RAB11FIP3: variants seen among roughly 807,000 people sequenced by gnomAD.
The protein encoded by RAB11FIP3 is rab11 family-interacting protein 3.
Under a neutral mutation model 77.8 loss-of-function variants are expected in RAB11FIP3, and 17 were observed. The observed-to-expected ratio is 0.22, with a 90% CI of 0.15 to 0.33. The LOEUF (loss-of-function observed/expected upper bound fraction) is 0.33. Ranked by LOEUF, RAB11FIP3 falls within the 10% of genes least tolerant of loss-of-function variation. RAB11FIP3 has a pLI of 1.00. For missense variants in RAB11FIP3, 1,005 were observed against 1,011.2 expected (o/e 0.99, Z 0.08); for synonymous variants, 437 against 448.2 (o/e 0.98, Z 0.31).
At chr16:458,565 G>A (rs796208497) in intron 1 of RAB11FIP3, among the ~76,000 whole-genome samples, 58 of 124,970 alleles carry the variant, frequency 4.6e-4, no homozygotes, top group African/African-American at 1.5e-3. Flanking sequence ...GGCCTTCCTC[G>A]GGTTCACCGA....
At chr16:460,487 T>A (rs577204908) in intron 1 of RAB11FIP3, among the ~76,000 whole-genome samples, 55 of 152,260 alleles carry the variant, frequency 3.6e-4, no homozygotes, top group African/African-American at 1.3e-3. Flanking sequence ...TGAAAATTTT[T>A]AAATTTTTAT....
intron 3 of RAB11FIP3, among the ~76,000 whole-genome samples, chr16:481,450 GC>G (rs1402940664): frequency 6.6e-6 from 1 of 152,174 alleles, no homozygotes; most frequent in African/African-American, 2.4e-5. Context: ...CACGTAGGTT[GC>G]AGTGAGCTGA....
rs757607797 is a variant in RAB11FIP3, at chr16:426,591, C to A, written c.585C>A (p.Ser195Arg). Residue 195 changes from serine (S) to arginine (R), a missense_variant, in exon 1 of 14, where the codon AGC becomes AGA. Physicochemically the swap from Ser to Arg is moderately radical, Grantham distance 110. This residue lies in a region of RAB11FIP3 where 466 missense variants were observed against 408.3 expected (regional missense o/e 1.14). Transcript: ENST00000262305. The surrounding 1 kb of genome is among the most constrained non-coding windows in gnomAD (Gnocchi z 5.0). ...TCAGCCAGACCCACCCCCTTCCGAG[C>A]GAGCCCGTGGGGAGTCAGGAGGACG... The part of the protein sequence containing the change: ...SDLSQTHPLP[S>R]EPVGSQEDGP... The A allele has an allele frequency of 1.3e-6, 2 of 1,597,620 alleles. No individual in the cohort carries two copies. The highest frequency in any genetic ancestry group is 2.2e-5 in the South Asian group (2 of 88,934).
intron 1 of RAB11FIP3, chr16:439,299 A>G (rs2141856898): frequency 6.6e-6 from 1 of 152,342 alleles, no homozygotes; most frequent in East Asian, 1.9e-4. Context: ...CTGTCTGTTC[A>G]TGGCTAGTCA....
chr16:471,466 C>A lies in RAB11FIP3; in HGVS notation c.903+77C>A. On this transcript the variant is annotated intron_variant, in intron 3 of 13. Coordinates refer to ENST00000262305, the MANE Select transcript of RAB11FIP3 (RefSeq NM_014700.4). The surrounding 1 kb of genome is among the most constrained non-coding windows in gnomAD (Gnocchi z 4.4). Reference sequence around the variant, plus strand: ...CTTTATGCCCTACAGCTCGTGCCTCCTGCCTCCGGGCTGTCTTCCGTAGAA... The same window carrying A: ...CTTTATGCCCTACAGCTCGTGCCTCATGCCTCCGGGCTGTCTTCCGTAGAA... 8.0e-7 allele frequency: 1 copy of A among 1,248,158 alleles called. No homozygotes were observed. Among genetic ancestry groups the A allele is most frequent in the Non-Finnish European group, 1.1e-6 (1 of 871,384 alleles). 77.3% of individuals were successfully genotyped at this position (1,248,158 alleles called of 1,614,324 possible).
rs1203497678 is a variant in RAB11FIP3, at chr16:507,067, G to C, written c.1499+1440G>C. ...AGGCTCAAGCGACCCGCCTCCCTCAGCCTTCGATGTAGCTGGGACTACAGG... is the reference window on the plus strand; with the variant it reads ...AGGCTCAAGCGACCCGCCTCCCTCACCCTTCGATGTAGCTGGGACTACAGG... On this transcript the variant is annotated intron_variant, in intron 8 of 13. Coordinates refer to ENST00000262305, the MANE Select transcript of RAB11FIP3 (RefSeq NM_014700.4). The surrounding 1 kb of genome is among the most constrained non-coding windows in gnomAD (Gnocchi z 4.6). Among the ~76,000 whole-genome samples, 1 of 151,444 alleles carries C rather than the reference G, an allele frequency of 6.6e-6. No homozygotes were observed. Among genetic ancestry groups the C allele is most frequent in the South Asian group, 2.1e-4 (1 of 4,812 alleles).
chr16:495,083 G>A (rs1264530376), intron 5 of RAB11FIP3, among the ~76,000 whole-genome samples: 1 of 152,064 alleles, frequency 6.6e-6, no homozygotes, highest in Non-Finnish European at 1.5e-5. Context: ...ACTTCAGCCT[G>A]GGCCACAGAG....
chr16:483,682 G>A (rs985762049), intron 4 of RAB11FIP3, among the ~76,000 whole-genome samples: 2 of 152,044 alleles, frequency 1.3e-5, no homozygotes, highest in African/African-American at 2.4e-5. Flanking sequence ...CTTTTCCCTG[G>A]TGCAGGAGGG....
At position 512,303 on chromosome 16, in the gene RAB11FIP3, C is replaced by T. The variant is rs930924817; in HGVS notation, c.1640+1503C>T. On this transcript the variant is annotated intron_variant, in intron 9 of 13. Transcript: ENST00000262305. ...TCGCCCAGGCTGGAGTGCAGTGGCG[C>T]GATCTCGGCTCACTGCAAGCTCTGC... Among the ~76,000 whole-genome samples, 50 of 152,052 alleles carry T rather than the reference C, an allele frequency of 3.3e-4. 1 individual carries two copies. Among genetic ancestry groups the T allele is most frequent in the Admixed American group, 2.9e-3 (44 of 15,268 alleles).
chr16:500,095 T>TC (rs2031408563), intron 6 of RAB11FIP3, among the ~76,000 whole-genome samples: 1 of 152,220 alleles, frequency 6.6e-6, no homozygotes, highest in Non-Finnish European at 1.5e-5. Context: ...CCTTGTTCTG[T>TC]CCCTGTCCAT....
chr16:448,277 A>C (rs1409227359), intron 1 of RAB11FIP3, among the ~76,000 whole-genome samples: 1 of 150,740 alleles, frequency 6.6e-6, no homozygotes, highest in African/African-American at 2.4e-5. Context: ...AGATTGCGCC[A>C]TTGCACTCTA....
chr16:446,683 C>A (rs1018739654), intron 1 of RAB11FIP3, among the ~76,000 whole-genome samples: 6 of 152,082 alleles, frequency 3.9e-5, no homozygotes, highest in African/African-American at 9.7e-5. Flanking sequence ...CCTTTTTATT[C>A]ATATATCTCA....
intron 8 of RAB11FIP3, among the ~76,000 whole-genome samples, chr16:509,640 T>A (rs911894322): frequency 1.3e-5 from 2 of 152,216 alleles, no homozygotes; most frequent in African/African-American, 2.4e-5. Flanking sequence ...AATATTCCCT[T>A]TCCCCTGTGG....
intron 4 of RAB11FIP3, among the ~76,000 whole-genome samples, chr16:487,368 C>A (rs948340632): frequency 6.6e-6 from 1 of 152,048 alleles, no homozygotes; most frequent in Non-Finnish European, 1.5e-5. Flanking sequence ...CTGATCTGCC[C>A]GCCTCGGCCT....
intron 8 of RAB11FIP3, among the ~76,000 whole-genome samples, chr16:508,237 T>C (rs2031970663): frequency 6.6e-6 from 1 of 152,220 alleles, no homozygotes; most frequent in Non-Finnish European, 1.5e-5. Context: ...CCCGGTGCTG[T>C]GACTGAGGAA....
chr16:515,836 G>C lies in RAB11FIP3; in HGVS notation c.1641-3107G>C, dbSNP rs561976072. Among the ~76,000 whole-genome samples, 3 of 152,366 alleles carry C rather than the reference G, an allele frequency of 2.0e-5. No individual in the cohort carries two copies. The South Asian group carries it at 6.2e-4, about 32-fold the overall frequency. ...GAAGTGGGTAGCACCAGGAACCGTG[G>C]AAGTTGGATAAAGGCGAGGCTCACA... On this transcript the variant is annotated intron_variant, in intron 9 of 13. Transcript: ENST00000262305.
chr16:425,932 C>CCCGCGCCCGCCG lies in RAB11FIP3; in HGVS notation c.-66_-55dup, dbSNP rs1196139042. 14 of 593,028 alleles carry CCCGCGCCCGCCG rather than the reference C, an allele frequency of 2.4e-5. No homozygotes were observed. In the Admixed American group the frequency reaches 7.8e-4, roughly 33 times the overall value. 36.7% of individuals were successfully genotyped at this position (593,028 alleles called of 1,614,324 possible). A position where few individuals can be genotyped will look rare whatever the true frequency, so the allele number is the denominator to read the frequency against. On this transcript the variant is annotated 5_prime_UTR_variant, in exon 1 of 14. Coordinates refer to ENST00000262305, the MANE Select transcript of RAB11FIP3 (RefSeq NM_014700.4). ...GCCCGCCCGCGCCGCCGAGGGGATG[C>CCCGCGCCCGCCG]CCGCGCCCGCCGCCGCGCCCTGAGC... is the stretch of plus-strand genomic sequence containing the variant.
chr16:490,620 G>A (rs1044466438), intron 5 of RAB11FIP3, among the ~76,000 whole-genome samples: 8 of 152,150 alleles, frequency 5.3e-5, no homozygotes, highest in Admixed American at 1.3e-4. Flanking sequence ...CACCATGCCC[G>A]GCTTTAACGC....
chr16:496,287 T>C (rs961655536), intron 5 of RAB11FIP3, among the ~76,000 whole-genome samples: 1 of 152,146 alleles, frequency 6.6e-6, no homozygotes, highest in African/African-American at 2.4e-5. Context: ...CCACTGCAGA[T>C]GGTTAAATCA....
Sources: allele counts gnomAD v4.1 joint callset (sites outside exome capture counted in the v4.1 genomes callset), GRCh38; gene constraint gnomAD v4.1.1; regional missense constraint gnomAD v4.1.1; non-coding constraint Gnocchi (gnomAD v3.1); transcripts MANE v1.5; gene names NCBI Gene and HGNC (gene_info 2026-07-23, HGNC 2026-07-21).